The following HDAC4 variants were observed in gnomAD, a reference collection of about 807,000 sequenced individuals.
HDAC4 encodes the protein histone deacetylase 4.
Under a neutral mutation model 135.1 loss-of-function variants are expected in HDAC4, and 16 were observed. The ratio of observed to expected loss-of-function variants is 0.12; its 90% CI spans 0.08 to 0.18. HDAC4 has a LOEUF of 0.18. HDAC4 is among the 10% of genes least tolerant of loss of function. The pLI is 1.00. For synonymous variants in HDAC4, 685 were observed against 653.4 expected, an observed-to-expected ratio of 1.05 and a Z score of -0.74; for missense variants, 1,143 against 1,511.8, an observed-to-expected ratio of 0.76 and a Z score of 4.05.
intron 2 of HDAC4, among the ~76,000 whole-genome samples, chr2:239,350,770 G>A (rs941688708): frequency 4.6e-5 from 7 of 152,148 alleles, no homozygotes; most frequent in Non-Finnish European, 1.0e-4. Context: ...CCGAAGTGCT[G>A]GGATTACAGC....
chr2:239,321,394 G>A (rs2053304053), intron 2 of HDAC4, among the ~76,000 whole-genome samples: 1 of 143,948 alleles, frequency 6.9e-6, no homozygotes, highest in South Asian at 2.2e-4. Context: ...GAACCCGGGA[G>A]ACGGAGCTTG....
At chr2:239,118,102 T>TCA (rs1251684753) in intron 12 of HDAC4, among the ~76,000 whole-genome samples, 2 of 152,020 alleles carry the variant, frequency 1.3e-5, no homozygotes, top group African/African-American at 2.4e-5. Flanking sequence ...AGACGCAGAC[T>TCA]CACACACACA....
At chr2:239,177,362 C>T (rs192196020) in intron 4 of HDAC4, among the ~76,000 whole-genome samples, 1 of 152,206 alleles carries the variant, frequency 6.6e-6, no homozygotes, top group African/African-American at 2.4e-5. Context: ...CCTCCGCTGG[C>T]TCAATCAGTG....
intron 1 of HDAC4, among the ~76,000 whole-genome samples, chr2:239,372,612 CCT>C (rs1294500882): frequency 3.3e-5 from 5 of 152,234 alleles, no homozygotes; most frequent in African/African-American, 1.2e-4. Flanking sequence ...GCTCTGGTCC[CCT>C]CTCTCTACAG....
Position 239,191,488 on chromosome 2 carries a change from C to T in HDAC4, c.95-1411G>A, listed in dbSNP as rs531862463. On this transcript the variant is annotated intron_variant, in intron 3 of 26. Coordinates refer to ENST00000543185, the MANE Select transcript of HDAC4 (RefSeq NM_001378414.1). ...AGCATTTCCACAGTCACTGCCCAGGCAGCAGGTCCCACACTGGCTTTGTCT... is the reference window on the plus strand; with the variant it reads ...AGCATTTCCACAGTCACTGCCCAGGTAGCAGGTCCCACACTGGCTTTGTCT... Among the ~76,000 whole-genome samples, 9 of 152,390 alleles carry T rather than the reference C, an allele frequency of 5.9e-5. 1 individual carries two copies. The South Asian group carries it at 1.7e-3, about 28-fold the overall frequency.
intron 4 of HDAC4, among the ~76,000 whole-genome samples, chr2:239,177,298 A>G (rs921741351): frequency 2.6e-5 from 4 of 152,208 alleles, no homozygotes; most frequent in Non-Finnish European, 5.9e-5. Flanking sequence ...ACATTCCACC[A>G]CAGCCTGGTG....
intron 1 of HDAC4, among the ~76,000 whole-genome samples, chr2:239,367,957 G>A (rs1444807544): frequency 2.6e-5 from 4 of 152,062 alleles, no homozygotes; most frequent in Non-Finnish European, 4.4e-5. Flanking sequence ...CAGCCTGGGC[G>A]ACAGAGTAAG....
Position 239,072,994 on chromosome 2 carries a change from G to A in HDAC4, c.2751-4387C>T, listed in dbSNP as rs574733438. Reference sequence around the variant, plus strand: ...CCCATCTCAATGCTGGGAGCACGCGGTGCCTGATCCTGGTGCCCCGCGTCC... The same window carrying A: ...CCCATCTCAATGCTGGGAGCACGCGATGCCTGATCCTGGTGCCCCGCGTCC... On this transcript the variant is annotated intron_variant, in intron 22 of 26. Transcript: ENST00000543185. Among the ~76,000 whole-genome samples, 22 of 152,320 alleles carry A rather than the reference G, an allele frequency of 1.4e-4. No homozygotes were observed. The South Asian group carries it at 4.6e-3, about 32-fold the overall frequency.
intron 24 of HDAC4, among the ~76,000 whole-genome samples, chr2:239,061,146 G>T (rs2032644452): frequency 6.6e-6 from 1 of 152,024 alleles, no homozygotes; most frequent in Admixed American, 6.6e-5. Context: ...GTGTGAGTGT[G>T]TGGTGTGTGT....
At chr2:239,366,618 T>C (rs10167383) in intron 1 of HDAC4, among the ~76,000 whole-genome samples, 11,438 of 152,196 alleles carry the variant, frequency 0.075, 964 homozygotes, top group African/African-American at 0.21. Flanking sequence ...TGTTTCCGTT[T>C]GCTGTGAAAT....
intron 17 of HDAC4, chr2:239,094,402 T>C (rs1275817684): frequency 3.2e-6 from 2 of 622,634 alleles, no homozygotes; most frequent in African/African-American, 4.9e-5. Context: ...GCCAGGTCCA[T>C]ATCATCAGCT....
chr2:239,134,697 A>G, intron 9 of HDAC4, 54 bp from the exon 10 acceptor site: 1 of 1,303,398 alleles, frequency 7.7e-7, no homozygotes, highest in South Asian at 1.2e-5. Flanking sequence ...AAACATCAGC[A>G]ATATACACCA....
At chr2:239,372,473 T>C (rs1453455388) in intron 1 of HDAC4, among the ~76,000 whole-genome samples, 2 of 152,266 alleles carry the variant, frequency 1.3e-5, no homozygotes, top group African/African-American at 2.4e-5. Flanking sequence ...TTCCTTGGGC[T>C]GGGCTCCCGC....
chr2:239,138,867 G>C (rs3791475), intron 9 of HDAC4, among the ~76,000 whole-genome samples: 53,657 of 152,142 alleles, frequency 0.35, 11,408 homozygotes, highest in East Asian at 0.72. Context: ...GAGGTCCTCG[G>C]ACCTGCTGCC....
chr2:239,364,230 C>T (rs181817904), intron 1 of HDAC4, among the ~76,000 whole-genome samples: 38 of 152,284 alleles, frequency 2.5e-4, no homozygotes, highest in African/African-American at 8.2e-4. Context: ...AAGACATCTA[C>T]GAAGACACGG....
intron 3 of HDAC4, among the ~76,000 whole-genome samples, chr2:239,228,172 G>T (rs552183387): frequency 6.6e-6 from 1 of 152,318 alleles, no homozygotes; most frequent in East Asian, 1.9e-4. Context: ...CAGACGCTAC[G>T]CCAGACACTT....
intron 17 of HDAC4, chr2:239,094,626 G>A: frequency 1.8e-6 from 2 of 1,138,960 alleles, no homozygotes; most frequent in South Asian, 2.0e-5. Flanking sequence ...CTGTAGCTTC[G>A]GGTGGAAACT....
chr2:239,134,442 C>A lies in HDAC4; in HGVS notation c.1097G>T (p.Gly366Val). 1 of 1,613,560 alleles carries A rather than the reference C, an allele frequency of 6.2e-7. No individual in the cohort carries two copies. Among genetic ancestry groups the A allele is most frequent in the Non-Finnish European group, 8.5e-7 (1 of 1,179,822 alleles). Residue 366 changes from glycine to valine, a missense_variant and splice_region_variant, in exon 11 of 27, where the codon GGC becomes GTC. Transcript: ENST00000543185. ...CTCGGCGTCCTGCTGGCCCGCCGTG[C>A]CCTGGAAAGCACAGCCAGGATGCTC... Reference protein sequence around the residue: ...LGLPATGPSAGTAGQQDAERL... With the variant: ...LGLPATGPSAVTAGQQDAERL...
chr2:239,270,687 G>A (rs1046123215), intron 2 of HDAC4, among the ~76,000 whole-genome samples: 2 of 152,136 alleles, frequency 1.3e-5, no homozygotes, highest in Non-Finnish European at 2.9e-5. Flanking sequence ...TGCACTAACA[G>A]GGAACTATCT....
Sources: gnomAD v4.1 joint callset for allele counts (sites outside exome capture counted in the v4.1 genomes callset) on GRCh38, gnomAD v4.1.1 for gene constraint, MANE v1.5 for transcripts, NCBI Gene and HGNC (gene_info 2026-07-23, HGNC 2026-07-21) for gene names.